Variants in PIK3R6 observed in about 807,000 individuals in gnomAD.
The protein encoded by PIK3R6 is phosphoinositide 3-kinase regulatory subunit 6.
A neutral mutation model predicts 84.9 loss-of-function variants in PIK3R6; 91 were observed. The observed-to-expected ratio is 1.07, with a 90% CI of 0.90 to 1.28. The LOEUF is 1.28. PIK3R6 is among the 50% of genes most tolerant of loss of function. PIK3R6 has a pLI of 0.00. For missense variants in PIK3R6, 996 were observed against 985.1 expected (o/e 1.01, Z -0.15); for synonymous variants, 416 against 411.4 (o/e 1.01, Z -0.13).
chr17:8,803,117 C>T lies in PIK3R6; in HGVS notation c.*156G>A. The T allele has an allele frequency of 1.1e-6, 1 of 916,486 alleles. No homozygotes were observed. The highest frequency in any genetic ancestry group is 1.6e-6 in the Non-Finnish European group (1 of 611,020). 56.8% of individuals were successfully genotyped at this position (916,486 alleles called of 1,614,324 possible). A position where few individuals can be genotyped will look rare whatever the true frequency, so the allele number is the denominator to read the frequency against. On this transcript the variant is annotated 3_prime_UTR_variant, in exon 20 of 20. Transcript: ENST00000619866. This position sits in a 1 kb window ranked among gnomAD's most constrained non-coding sequence, Gnocchi z 5.0. Reference sequence around the variant, plus strand: ...ATGTGGGCCCTTCCTCATCACAGTCCCCAGGGTAGGCTCCCTGTGCTCCCA... The same window carrying T: ...ATGTGGGCCCTTCCTCATCACAGTCTCCAGGGTAGGCTCCCTGTGCTCCCA...
chr17:8,816,079 TA>T (rs1189481500), intron 18 of PIK3R6, among the ~76,000 whole-genome samples: 1 of 152,128 alleles, frequency 6.6e-6, no homozygotes, highest in East Asian at 1.9e-4. Context: ...TATGAACTCA[TA>T]ATTGAAAAAC....
chr17:8,840,617 A>G (rs2088645839), intron 2 of PIK3R6, among the ~76,000 whole-genome samples: 1 of 148,032 alleles, frequency 6.8e-6, no homozygotes, highest in Non-Finnish European at 1.5e-5. Flanking sequence ...TATGAAATGT[A>G]TATCCTCCAA....
chr17:8,837,815 G>A lies in PIK3R6; in HGVS notation c.246C>T (p.Tyr82=), dbSNP rs1355425236. 3 of 1,613,710 alleles carry A rather than the reference G, an allele frequency of 1.9e-6. No homozygotes were observed. The highest frequency in any genetic ancestry group is 2.5e-6 in the Non-Finnish European group (3 of 1,179,646). The stretch of plus-strand genomic sequence containing the variant: ...GTCCCCAGCTCACCTTGGTGAGCAC[G>A]TACATTACAGTGTGCAGCAAGGGAA... ...VIIPLLHTVM[Y]VLTKATGITE... The change falls in exon 5 of 20, where the codon TAC becomes TAT. Residue 82 remains tyrosine (Y), a synonymous_variant. Coordinates refer to ENST00000619866, the MANE Select transcript of PIK3R6 (RefSeq NM_001010855.4).
At chr17:8,819,689 T>TATATATATATATAC (rs374733654) in intron 17 of PIK3R6, among the ~76,000 whole-genome samples, 60 of 135,872 alleles carry the variant, frequency 4.4e-4, no homozygotes, top group African/African-American at 1.6e-3. Flanking sequence ...TATATATATA[T>TATATATATATATAC]ACACACACAC....
rs775182851 is a variant in PIK3R6 at position 8,821,838 on chromosome 17, T to C, written c.1879+8A>G. On this transcript the variant is annotated splice_region_variant and intron_variant, in intron 17 of 19. Coordinates refer to ENST00000619866, the MANE Select transcript of PIK3R6 (RefSeq NM_001010855.4). ...CTCTTTCTTTGCTCTGCATTCCCCA[T>C]TCCTCACCTTCTGTGTCGCTGGCTG... is the stretch of plus-strand genomic sequence containing the variant. 22 of 1,582,342 alleles carry C rather than the reference T, an allele frequency of 1.4e-5. No homozygotes were observed. The South Asian group carries it at 2.5e-4, about 18-fold the overall frequency.
In PIK3R6 at chr17:8,822,961, G is replaced by A. The variant is rs775097884; in HGVS notation, c.1717+35C>T. On this transcript the variant is annotated intron_variant, in intron 15 of 19. Transcript: ENST00000619866. ...ATGAGAGTTTGGAGAAGCTGAGTCA[G>A]GGTGACCTTTGGCAAAAGGGAGGCA... is the stretch of plus-strand genomic sequence containing the variant. 10 of 1,508,920 alleles carry A rather than the reference G, an allele frequency of 6.6e-6. No individual in the cohort carries two copies. In the South Asian group the frequency reaches 1.0e-4, roughly 15 times the overall value. 93.5% of individuals were successfully genotyped at this position (1,508,920 alleles called of 1,614,324 possible). A position where few individuals can be genotyped will look rare whatever the true frequency, so the allele number is the denominator to read the frequency against.
At chr17:8,830,246 G>C (rs1046279423) in intron 9 of PIK3R6, among the ~76,000 whole-genome samples, 1 of 152,214 alleles carries the variant, frequency 6.6e-6, no homozygotes, top group Non-Finnish European at 1.5e-5. Context: ...ATTTGCAGCT[G>C]TCGGCGATGC....
chr17:8,849,865 C>T lies in PIK3R6; in HGVS notation c.-71G>A, dbSNP rs1361755039. On this transcript the variant is annotated 5_prime_UTR_variant, in exon 2 of 20. Coordinates refer to ENST00000619866, the MANE Select transcript of PIK3R6 (RefSeq NM_001010855.4). ...AGCAGAATAGAGAACAAGGTGGTTG[C>T]TTTTCTGCACAGAGGTGGTTCTGCA... 1 of 1,577,694 alleles carries T rather than the reference C, an allele frequency of 6.3e-7. No homozygotes were observed. Among genetic ancestry groups the T allele is most frequent in the Non-Finnish European group, 8.6e-7 (1 of 1,160,118 alleles).
In PIK3R6 at chr17:8,803,025, A is replaced by G; in HGVS notation, c.*248T>C. ...AAATGAAGGAGTAGACATTTGTATG[A>G]GAAGCTGGGCTTGGTGTGTATGTTC... On this transcript the variant is annotated 3_prime_UTR_variant, in exon 20 of 20. Coordinates refer to ENST00000619866, the MANE Select transcript of PIK3R6 (RefSeq NM_001010855.4). The surrounding 1 kb of genome is among the most constrained non-coding windows in gnomAD (Gnocchi z 5.0). 1 of 505,326 alleles carries G rather than the reference A, an allele frequency of 2.0e-6. No individual in the cohort carries two copies. 31.3% of individuals were successfully genotyped at this position (505,326 alleles called of 1,614,324 possible). A position where few individuals can be genotyped will look rare whatever the true frequency, so the allele number is the denominator to read the frequency against.
At chr17:8,807,375 G>C (rs1343134781) in intron 18 of PIK3R6, among the ~76,000 whole-genome samples, 1 of 152,196 alleles carries the variant, frequency 6.6e-6, no homozygotes, top group Non-Finnish European at 1.5e-5. Context: ...GAGTTTGCAG[G>C]CCATTGACAT....
rs141414175 is a variant in PIK3R6 at position 8,823,180 on chromosome 17, C to A, written c.1627-94G>T. The A allele has an allele frequency of 1.2e-5, 12 of 1,016,686 alleles. No individual in the cohort carries two copies. In the East Asian group the frequency reaches 2.9e-4, roughly 24 times the overall value. 63.0% of individuals were successfully genotyped at this position (1,016,686 alleles called of 1,614,324 possible). A position where few individuals can be genotyped will look rare whatever the true frequency, so the allele number is the denominator to read the frequency against. ...GGATCCAGGGCCATGGAGAACCCTT[C>A]CACATAAAGAAGACCTACTTCTTGG... is the stretch of plus-strand genomic sequence containing the variant. On this transcript the variant is annotated intron_variant, in intron 14 of 19. Coordinates refer to ENST00000619866, the MANE Select transcript of PIK3R6 (RefSeq NM_001010855.4).
chr17:8,838,988 G>T (rs567753811), intron 3 of PIK3R6, among the ~76,000 whole-genome samples: 1 of 152,228 alleles, frequency 6.6e-6, no homozygotes, highest in African/African-American at 2.4e-5. Flanking sequence ...CATTCTGGAA[G>T]TCCTGCAGGC....
chr17:8,803,595 C>T lies in PIK3R6; in HGVS notation c.2109-166G>A. 1 of 689,060 alleles carries T rather than the reference C, an allele frequency of 1.5e-6. No individual in the cohort carries two copies. 42.7% of individuals were successfully genotyped at this position (689,060 alleles called of 1,614,324 possible). ...GAAGAGTCAGGACAAGAAAGAAAAACCTGGGCCTGGGGTTCACCGGGAGAG... is the reference window on the plus strand; with the variant it reads ...GAAGAGTCAGGACAAGAAAGAAAAATCTGGGCCTGGGGTTCACCGGGAGAG... On this transcript the variant is annotated intron_variant, in intron 19 of 19. Transcript: ENST00000619866. This position sits in a 1 kb window ranked among gnomAD's most constrained non-coding sequence, Gnocchi z 5.0.
At chr17:8,806,216 G>A (rs2087202387) in intron 18 of PIK3R6, among the ~76,000 whole-genome samples, 1 of 152,266 alleles carries the variant, frequency 6.6e-6, no homozygotes, top group African/African-American at 2.4e-5. Flanking sequence ...CCTGGTGAGA[G>A]AGATGCATGG....
chr17:8,848,388 C>T (rs564907384), intron 2 of PIK3R6, among the ~76,000 whole-genome samples: 3 of 152,098 alleles, frequency 2.0e-5, no homozygotes, highest in East Asian at 1.9e-4. Context: ...TTAACTACGG[C>T]GATATGTTCC....
chr17:8,822,615 C>T lies in PIK3R6; in HGVS notation c.1760G>A (p.Gly587Glu). Residue 587 changes from glycine to glutamate, a missense_variant, in exon 16 of 20, where the codon GGG (glycine) becomes GAG (glutamate). Coordinates refer to ENST00000619866, the MANE Select transcript of PIK3R6 (RefSeq NM_001010855.4). ...PRRRGVAEGP[G>E]AELSLCYQKA... The stretch of plus-strand genomic sequence containing the variant: ...CTGGTAGCATAGGGAGAGCTCTGCC[C>T]CTGGGCCCTCAGCCACGCCTCTCCT... 6.2e-7 allele frequency: 1 copy of T among 1,614,036 alleles called. No homozygotes were observed. Among genetic ancestry groups the T allele is most frequent in the Non-Finnish European group, 8.5e-7 (1 of 1,179,894 alleles).
rs1224410061 is a variant in PIK3R6 at position 8,836,983 on chromosome 17, G to A, written c.259-60C>T. On this transcript the variant is annotated intron_variant, in intron 5 of 19. Transcript: ENST00000619866. ...GGAGGTGGAGGTAAGAGGGAGGAGG[G>A]GGAGGTGAAGGGTCCCGGGGGAGTT... is the stretch of plus-strand genomic sequence containing the variant. 20 of 1,198,326 alleles carry A rather than the reference G, an allele frequency of 1.7e-5. No homozygotes were observed. The East Asian group carries it at 4.7e-4, about 28-fold the overall frequency. The allele number at this position is 1,198,326 out of a possible 1,614,324, so 74.2% of individuals were successfully genotyped here. A position where few individuals can be genotyped will look rare whatever the true frequency, so the allele number is the denominator to read the frequency against.
chr17:8,836,851 G>C lies in PIK3R6; in HGVS notation c.331C>G (p.Pro111Ala). Residue 111 changes from proline (P) to alanine (A), a missense_variant, in exon 6 of 20, where the codon CCC becomes GCC. Pro to Ala is a conservative substitution (Grantham distance 27). Transcript: ENST00000619866. ...FCTRLLTLPTPYCTVALDCAI... is the reference protein window; with the variant it reads ...FCTRLLTLPTAYCTVALDCAI... ...CAGTCCAAGGCGACTGTGCAGTAGGGGGTGGGCAGGGTCAGTAACCTTGTG... is the reference window on the plus strand; with the variant it reads ...CAGTCCAAGGCGACTGTGCAGTAGGCGGTGGGCAGGGTCAGTAACCTTGTG... 6.3e-7 allele frequency: 1 copy of C among 1,584,188 alleles called. No individual in the cohort carries two copies. Among genetic ancestry groups the C allele is most frequent in the South Asian group, 1.2e-5 (1 of 86,814 alleles).
chr17:8,829,527 C>A (rs1196510691), intron 10 of PIK3R6, among the ~76,000 whole-genome samples, 179 bp downstream of exon 10: 1 of 92,438 alleles, frequency 1.1e-5, no homozygotes, highest in Non-Finnish European at 2.6e-5. Flanking sequence ...TACACACACA[C>A]TGACACACGC....
Sources: gnomAD v4.1 joint callset for allele counts (sites outside exome capture counted in the v4.1 genomes callset) on GRCh38, gnomAD v4.1.1 for gene constraint, Gnocchi (gnomAD v3.1) non-coding constraint, MANE v1.5 for transcripts, NCBI Gene and HGNC (gene_info 2026-07-23, HGNC 2026-07-21) for gene names.